Variants in ATRNL1 observed in about 807,000 individuals in gnomAD.
ATRNL1 encodes attractin-like protein 1.
ATRNL1 carries 95 observed loss-of-function variants against 182.7 expected under a neutral mutation model. The observed-to-expected ratio is 0.52, with a 90% CI of 0.44 to 0.62. ATRNL1 has a LOEUF of 0.62. Ranked by LOEUF, ATRNL1 falls within the 20% of genes least tolerant of loss-of-function variation. ATRNL1 has a pLI of 0.00. For synonymous variants in ATRNL1, 576 were observed against 568.3 expected (o/e 1.01, Z -0.19); for missense variants, 1,471 against 1,679.5 (o/e 0.88, Z 2.17).
chr10:115,216,006 A>G (rs1412125995), intron 9 of ATRNL1, 126 bp downstream of exon 9: 1 of 665,890 alleles, frequency 1.5e-6, no homozygotes, highest in African/African-American at 1.9e-5. Flanking sequence ...ATATCGTCTT[A>G]ATTTCAGATG....
Position 115,405,541 on chromosome 10 carries a change from T to C in ATRNL1, c.3269+10789T>C, listed in dbSNP as rs532308657. On this transcript the variant is annotated intron_variant, in intron 20 of 28. Transcript: ENST00000355044. Reference sequence around the variant, plus strand: ...CGGTGCAAATATGATATCCTTTCTTTATTGTTAATAATGTTTGTCCTCTCA... The same window carrying C: ...CGGTGCAAATATGATATCCTTTCTTCATTGTTAATAATGTTTGTCCTCTCA... Among the ~76,000 whole-genome samples, 22 of 152,328 alleles carry C rather than the reference T, an allele frequency of 1.4e-4. No homozygotes were observed. In the South Asian group the frequency reaches 4.6e-3, roughly 32 times the overall value.
chr10:115,847,975 T>TC lies in ATRNL1; in HGVS notation c.4007dup (p.Gly1337TrpfsTer22). ...TACCACGAGGATCATCAGGTGCCCCTCCCCCTGGGCAGTCAGGTATGATAA... is the reference window on the plus strand; with the variant it reads ...TACCACGAGGATCATCAGGTGCCCCTCCCCCCTGGGCAGTCAGGTATGATAA... On this transcript the variant is annotated frameshift_variant, in exon 28 of 29. Coordinates refer to ENST00000355044, the MANE Select transcript of ATRNL1 (RefSeq NM_207303.4). LOFTEE classifies it high-confidence loss of function. 1 of 1,594,382 alleles carries TC rather than the reference T, an allele frequency of 6.3e-7. No individual in the cohort carries two copies. Among genetic ancestry groups the TC allele is most frequent in the Non-Finnish European group, 8.6e-7 (1 of 1,162,702 alleles).
At chr10:115,225,756 G>C (rs1189939430) in intron 9 of ATRNL1, among the ~76,000 whole-genome samples, 1 of 151,194 alleles carries the variant, frequency 6.6e-6, no homozygotes, top group Non-Finnish European at 1.5e-5. Flanking sequence ...TATGACAATT[G>C]TTTGAAAAAC....
intron 28 of ATRNL1, among the ~76,000 whole-genome samples, chr10:115,931,262 G>A (rs1953385753): frequency 6.6e-6 from 1 of 151,986 alleles, no homozygotes; most frequent in African/African-American, 2.4e-5. Flanking sequence ...TAGGATTTCG[G>A]ATTAAGAGAC....
At chr10:115,682,610 T>C (rs1408171221) in intron 26 of ATRNL1, among the ~76,000 whole-genome samples, 2 of 152,102 alleles carry the variant, frequency 1.3e-5, no homozygotes, top group Non-Finnish European at 2.9e-5. Flanking sequence ...AAATAATGCC[T>C]ATTTGTAAAC....
At chr10:115,332,883 G>A (rs1425448848) in intron 18 of ATRNL1, among the ~76,000 whole-genome samples, 1 of 151,900 alleles carries the variant, frequency 6.6e-6, no homozygotes, top group Admixed American at 6.6e-5. Flanking sequence ...GATTAGCTGT[G>A]TGACTTTGTG....
At chr10:115,621,276 T>TATATATATATAGAGAGAGAGAG (rs1268020830) in intron 26 of ATRNL1, among the ~76,000 whole-genome samples, 8 of 47,578 alleles carry the variant, frequency 1.7e-4, no homozygotes, top group African/African-American at 3.7e-4. Context: ...TATATATATA[T>TATATATATATAGAGAGAGAGAG]AGAGAGAGAG....
At chr10:115,366,483 C>A (rs1368849801) in intron 19 of ATRNL1, among the ~76,000 whole-genome samples, 3 of 152,082 alleles carry the variant, frequency 2.0e-5, no homozygotes, top group Admixed American at 2.0e-4. Context: ...ATTTGCCAGT[C>A]TGTGTCTTTT....
intron 8 of ATRNL1, among the ~76,000 whole-genome samples, chr10:115,193,739 A>G (rs192903499): frequency 6.6e-6 from 1 of 150,438 alleles, no homozygotes; most frequent in Non-Finnish European, 1.5e-5. Context: ...TTCTTCTACT[A>G]ATTTTGGGTT....
rs180965416 is a variant in ATRNL1, at chr10:115,865,567, C to A, written c.4018+17576C>A. Among the ~76,000 whole-genome samples the A allele has an allele frequency of 4.6e-5, 7 of 152,284 alleles. No individual in the cohort carries two copies. In the East Asian group the frequency reaches 1.4e-3, roughly 29 times the overall value. On this transcript the variant is annotated intron_variant, in intron 28 of 28. Transcript: ENST00000355044. ...TATCTCTATTTATTAAGTAGTCTCA[C>A]TGTATTCTTGAACATAACATAGTAT... is the stretch of plus-strand genomic sequence containing the variant.
chr10:115,939,761 G>T (rs782324943), intron 28 of ATRNL1, among the ~76,000 whole-genome samples: 1 of 152,050 alleles, frequency 6.6e-6, no homozygotes, highest in Admixed American at 6.6e-5. Context: ...CTCTAGCGGC[G>T]TGCAGCATGG....
intron 26 of ATRNL1, among the ~76,000 whole-genome samples, chr10:115,665,414 CA>C (rs1276774128): frequency 1.3e-5 from 2 of 152,016 alleles, no homozygotes; most frequent in Non-Finnish European, 2.9e-5. Context: ...GACTTTCAGT[CA>C]GTACTCTTTT....
At chr10:115,848,042 C>G (rs1555099434) in intron 28 of ATRNL1, 51 bp downstream of exon 28, 2 of 995,602 alleles carry the variant, frequency 2.0e-6, no homozygotes, top group Admixed American at 3.6e-5. Flanking sequence ...GTAGACTGAA[C>G]AGAAGAAATA....
chr10:115,365,989 A>G (rs1229590751), intron 19 of ATRNL1, among the ~76,000 whole-genome samples: 2 of 152,016 alleles, frequency 1.3e-5, no homozygotes, highest in African/African-American at 4.8e-5. Flanking sequence ...GAAAATGTAT[A>G]TTCTGTTGAT....
intron 27 of ATRNL1, among the ~76,000 whole-genome samples, chr10:115,728,135 A>G (rs1555061080): frequency 2.0e-5 from 3 of 148,696 alleles, no homozygotes; most frequent in African/African-American, 7.4e-5. Flanking sequence ...AAAGAAAAAA[A>G]AAAAAAAAAA....
intron 26 of ATRNL1, among the ~76,000 whole-genome samples, chr10:115,723,421 G>T (rs575459614): frequency 5.3e-5 from 8 of 152,238 alleles, no homozygotes; most frequent in African/African-American, 1.9e-4. Context: ...TTTGGGGAAT[G>T]ATACCGTATT....
intron 9 of ATRNL1, among the ~76,000 whole-genome samples, chr10:115,239,987 G>C (rs1554902466): frequency 6.6e-6 from 1 of 152,130 alleles, no homozygotes. Flanking sequence ...GGCTTTACTT[G>C]CCTGGGGTAG....
At chr10:115,728,058 G>T (rs1947656676) in intron 27 of ATRNL1, among the ~76,000 whole-genome samples, 2 of 144,794 alleles carry the variant, frequency 1.4e-5, no homozygotes, top group African/African-American at 5.1e-5. Flanking sequence ...GGCAGATCAC[G>T]AGGTCAGGAG....
intron 5 of ATRNL1, among the ~76,000 whole-genome samples, chr10:115,148,742 G>A (rs1343728911): frequency 7.0e-6 from 1 of 143,064 alleles, no homozygotes; most frequent in Non-Finnish European, 1.5e-5. Flanking sequence ...GAGGCCAGAT[G>A]CGTTTTTTTT....
Sources: allele counts gnomAD v4.1 joint callset (sites outside exome capture counted in the v4.1 genomes callset), GRCh38; gene constraint gnomAD v4.1.1; transcripts MANE v1.5; gene names NCBI Gene and HGNC (gene_info 2026-07-23, HGNC 2026-07-21).